The following FILIP1L variants were observed in gnomAD, a reference collection of about 807,000 sequenced individuals.
FILIP1L encodes filamin A interacting protein 1 like.
FILIP1L carries 55 observed loss-of-function variants against 96.6 expected under a neutral mutation model. The observed-to-expected ratio is 0.57, with a 90% CI of 0.46 to 0.71. FILIP1L has a LOEUF of 0.71. FILIP1L is among the 30% of genes least tolerant of loss of function. The pLI is 0.00. For synonymous variants in FILIP1L, 467 were observed against 473.9 expected, an observed-to-expected ratio of 0.99 and a Z score of 0.19; for missense variants, 1,304 against 1,321.2, an observed-to-expected ratio of 0.99 and a Z score of 0.20.
At chr3:99,946,992 C>CG (rs1351621777) in intron 1 of FILIP1L, among the ~76,000 whole-genome samples, 1 of 151,924 alleles carries the variant, frequency 6.6e-6, no homozygotes, top group Non-Finnish European at 1.5e-5. Flanking sequence ...CAAAAATTAG[C>CG]GGGGCGTGGT....
intron 1 of FILIP1L, among the ~76,000 whole-genome samples, chr3:99,933,779 C>T (rs1707567887): frequency 6.6e-6 from 1 of 152,162 alleles, no homozygotes; most frequent in African/African-American, 2.4e-5. Flanking sequence ...ATTCATGTCT[C>T]ACATGGCGTA....
chr3:99,977,975 G>T (rs1709019535), intron 1 of FILIP1L, among the ~76,000 whole-genome samples: 2 of 152,104 alleles, frequency 1.3e-5, no homozygotes, highest in Admixed American at 6.5e-5. Flanking sequence ...AAATTATTAT[G>T]CCAGATGGTC....
At chr3:99,935,537 A>G (rs1047502271) in intron 1 of FILIP1L, among the ~76,000 whole-genome samples, 2 of 152,134 alleles carry the variant, frequency 1.3e-5, no homozygotes, top group African/African-American at 4.8e-5. Flanking sequence ...ATAAAATGAG[A>G]ATACTGGGAT....
intron 1 of FILIP1L, among the ~76,000 whole-genome samples, chr3:100,101,312 G>C (rs935104565): frequency 6.6e-6 from 1 of 152,164 alleles, no homozygotes; most frequent in Non-Finnish European, 1.5e-5. Flanking sequence ...GGAGTGCATT[G>C]ACTTCGTTGA....
intron 5 of FILIP1L, among the ~76,000 whole-genome samples, chr3:99,832,880 T>A (rs1358957542): frequency 6.7e-6 from 1 of 149,542 alleles, no homozygotes. Flanking sequence ...TTTTTTCTTG[T>A]ATGACTTATC....
chr3:100,109,771 A>G lies in FILIP1L; in HGVS notation c.-11+4282T>C, dbSNP rs2066456763. On this transcript the variant is annotated intron_variant, in intron 1 of 5. Transcript: ENST00000477258. ...AATTATGAATGAAGCCACTGTAAAT[A>G]TTGTTACCTAACATTCTAAGGTTAA... Among the ~76,000 whole-genome samples the G allele has an allele frequency of 2.0e-5, 3 of 152,246 alleles. No individual in the cohort carries two copies. The South Asian group carries it at 6.2e-4, about 31-fold the overall frequency.
rs959622466 is a variant in FILIP1L at position 99,973,471 on chromosome 3, C to T, written c.-10-42441G>A. Among the ~76,000 whole-genome samples the T allele has an allele frequency of 2.6e-5, 4 of 152,246 alleles. No homozygotes were observed. The East Asian group carries it at 5.8e-4, about 22-fold the overall frequency. On this transcript the variant is annotated intron_variant, in intron 1 of 5. Coordinates refer to ENST00000477258, the MANE Select transcript of FILIP1L (RefSeq NM_001387850.1). ...AATCTAAAATATGCAGTTATAAATA[C>T]ATATGAAAATTCCTCTGTCTTTTTT...
chr3:99,920,757 G>T (rs1707100483), intron 4 of FILIP1L, among the ~76,000 whole-genome samples: 1 of 152,162 alleles, frequency 6.6e-6, no homozygotes, highest in South Asian at 2.1e-4. Context: ...TGTGACATCA[G>T]TCTCCTTTAG....
rs1943537016 is a variant in FILIP1L, at chr3:99,849,309, T to A, written c.2367A>T (p.Arg789Ser). The A allele has an allele frequency of 6.2e-7, 1 of 1,614,038 alleles. No homozygotes were observed. The highest frequency in any genetic ancestry group is 8.5e-7 in the Non-Finnish European group (1 of 1,180,018). Residue 789 changes from arginine (R) to serine (S), a missense_variant, in exon 5 of 6, where the codon AGA becomes AGT. Arg to Ser is a moderately radical substitution (Grantham distance 110). Coordinates refer to ENST00000477258, the MANE Select transcript of FILIP1L (RefSeq NM_001387850.1). ...TAGAAAATACTTGAGGATCGGAAAT[T>A]CTTCTTCCATTGAGACTAGGCCTGA... ...KSLRPSLNGRRISDPQVFSKE... is the reference protein window; with the variant it reads ...KSLRPSLNGRSISDPQVFSKE...
intron 3 of FILIP1L, among the ~76,000 whole-genome samples, chr3:99,929,551 TATGTGTGTGC>T (rs1423075359): frequency 1.3e-5 from 2 of 151,560 alleles, no homozygotes; most frequent in East Asian, 3.9e-4. Flanking sequence ...TAAGCACATG[TATGTGTGTGC>T]ATGTGTGTGT....
At chr3:100,041,956 C>T (rs1370549103) in intron 1 of FILIP1L, among the ~76,000 whole-genome samples, 1 of 152,162 alleles carries the variant, frequency 6.6e-6, no homozygotes, top group Non-Finnish European at 1.5e-5. Context: ...ACAGTGAGAA[C>T]AGGGACCATT....
chr3:99,998,406 A>G (rs569287530), intron 1 of FILIP1L, among the ~76,000 whole-genome samples: 3 of 152,344 alleles, frequency 2.0e-5, no homozygotes, highest in African/African-American at 7.2e-5. Flanking sequence ...ATACCAACAC[A>G]TTCTTTGAGT....
At position 99,848,564 on chromosome 3, in the gene FILIP1L, G is replaced by A. The variant is rs200133385; in HGVS notation, c.3112C>T (p.Arg1038Trp). The A allele has an allele frequency of 4.5e-5, 72 of 1,613,998 alleles. No homozygotes were observed. The highest frequency in any genetic ancestry group is 6.7e-5 in the East Asian group (3 of 44,894). ...CGCTGAAACTGCCATGATGACTGCC[G>A]GTCTGGGGAGACTCTGAATATCGCA... ...KHAIFRVSPD[R>W]QSSWQFQRSN... Residue 1038 changes from arginine to tryptophan, a missense_variant, in exon 5 of 6, where the codon CGG (arginine) becomes TGG (tryptophan). By Grantham distance (101) the Arg-to-Trp change is moderately radical. Transcript: ENST00000477258.
chr3:99,948,066 TTC>T (rs1293714788), intron 1 of FILIP1L, among the ~76,000 whole-genome samples: 2 of 152,230 alleles, frequency 1.3e-5, no homozygotes, highest in African/African-American at 2.4e-5. Flanking sequence ...AGCTATAACA[TTC>T]TGTTTCTGAT....
intron 4 of FILIP1L, among the ~76,000 whole-genome samples, chr3:99,922,301 C>T (rs1315250946): frequency 1.3e-5 from 2 of 152,186 alleles, no homozygotes; most frequent in Admixed American, 6.5e-5. Context: ...AACATTGTCT[C>T]ATTGAATAAC....
At chr3:100,071,864 G>A (rs1008697141) in intron 1 of FILIP1L, among the ~76,000 whole-genome samples, 4 of 152,124 alleles carry the variant, frequency 2.6e-5, no homozygotes, top group Non-Finnish European at 5.9e-5. Flanking sequence ...TTTCCCAGGT[G>A]TGAACCAGTG....
At chr3:99,861,537 C>T (rs1231309767) in intron 4 of FILIP1L, among the ~76,000 whole-genome samples, 1 of 152,152 alleles carries the variant, frequency 6.6e-6, no homozygotes, top group Non-Finnish European at 1.5e-5. Flanking sequence ...ATTCCTTCCT[C>T]CCACTCTCTG....
intron 4 of FILIP1L, among the ~76,000 whole-genome samples, chr3:99,908,066 T>C (rs936985224): frequency 6.6e-6 from 1 of 152,258 alleles, no homozygotes; most frequent in Non-Finnish European, 1.5e-5. Context: ...ATTTTTAAAC[T>C]GTCCAATTGT....
At chr3:99,935,265 C>CA (rs34961153) in intron 1 of FILIP1L, among the ~76,000 whole-genome samples, 142,113 of 144,134 alleles carry the variant, frequency 0.99, 70,059 homozygotes, top group South Asian at 0.99. Flanking sequence ...TTCAGGGTAC[C>CA]AAAAAAAAAA....
Sources: allele counts gnomAD v4.1 joint callset (sites outside exome capture counted in the v4.1 genomes callset), GRCh38; gene constraint gnomAD v4.1.1; transcripts MANE v1.5; gene names NCBI Gene and HGNC (gene_info 2026-07-23, HGNC 2026-07-21).